CSMD3: variants seen among roughly 807,000 people sequenced by gnomAD.
CSMD3 encodes CUB and Sushi multiple domains 3.
CSMD3 carries 177 observed loss-of-function variants against 435.2 expected under a neutral mutation model. The observed-to-expected ratio is 0.41, with a 90% CI of 0.36 to 0.46. The LOEUF (loss-of-function observed/expected upper bound fraction) is 0.46, where lower values mean the gene tolerates loss of function less well. Among genes scored for constraint, CSMD3 ranks in the 20% least tolerant of loss-of-function variants. The pLI, the probability that CSMD3 is intolerant of heterozygous loss-of-function variation, is 0.34. For missense variants in CSMD3, 4,265 were observed against 4,504.6 expected (o/e 0.95, Z 1.52); for synonymous variants, 1,656 against 1,520.5 (o/e 1.09, Z -2.07).
chr8:113,082,234 C>A (rs979349762), intron 5 of CSMD3, among the ~76,000 whole-genome samples: 5 of 152,104 alleles, frequency 3.3e-5, no homozygotes, highest in African/African-American at 1.2e-4. Context: ...TGAGGATAGA[C>A]CCACCTGGGG....
At chr8:112,278,451 C>T (rs561695417) in intron 59 of CSMD3, among the ~76,000 whole-genome samples, 20 of 152,232 alleles carry the variant, frequency 1.3e-4, no homozygotes, top group African/African-American at 4.8e-4. Flanking sequence ...GAGTTCTGTG[C>T]CTCTCAGCTT....
chr8:112,385,572 C>T (rs922942979), intron 36 of CSMD3, among the ~76,000 whole-genome samples: 1 of 152,004 alleles, frequency 6.6e-6, no homozygotes, highest in Non-Finnish European at 1.5e-5. Flanking sequence ...ATTTCAATAT[C>T]TATTTCAGTA....
In CSMD3 at chr8:112,289,399, A is replaced by T. The variant is rs2130655020; in HGVS notation, c.9114T>A (p.Asn3038Lys). The change falls in exon 57 of 71, where the codon AAT (asparagine) becomes AAA (lysine). Residue 3038 changes from asparagine (N) to lysine (K), a missense_variant. By Grantham distance (94) the Asn-to-Lys change is moderately conservative. Transcript: ENST00000297405. Reference protein sequence around the residue: ...LGQSSRTCQLNGHWSGSQPHC... With the variant: ...LGQSSRTCQLKGHWSGSQPHC... The stretch of plus-strand genomic sequence containing the variant: ...GAGGTTGTGATCCACTCCAATGGCC[A>T]TTCAATTGGCAGGTTCTTGATGACT... The T allele has an allele frequency of 3.7e-6, 6 of 1,613,370 alleles. No homozygotes were observed. The highest frequency in any genetic ancestry group is 5.1e-6 in the Non-Finnish European group (6 of 1,179,538).
At chr8:112,295,780 A>G (rs954914881) in intron 54 of CSMD3, 53 bp downstream of exon 54, 211 of 1,502,636 alleles carry the variant, frequency 1.4e-4, no homozygotes, top group Non-Finnish European at 1.9e-4. Context: ...AACAAAAACT[A>G]GAATTATTCC....
chr8:112,906,035 G>T (rs1258282371), intron 10 of CSMD3, among the ~76,000 whole-genome samples: 1 of 151,442 alleles, frequency 6.6e-6, no homozygotes, highest in African/African-American at 2.4e-5. Context: ...TATATAAAAA[G>T]AAGTCAGCTG....
At chr8:113,102,993 C>G (rs2090373691) in intron 4 of CSMD3, among the ~76,000 whole-genome samples, 1 of 152,120 alleles carries the variant, frequency 6.6e-6, no homozygotes, top group Admixed American at 6.6e-5. Context: ...AGAGTCCACG[C>G]AAATTCTTGC....
At chr8:112,954,292 G>C (rs145831953) in intron 8 of CSMD3, among the ~76,000 whole-genome samples, 1 of 151,440 alleles carries the variant, frequency 6.6e-6, no homozygotes, top group Non-Finnish European at 1.5e-5. Context: ...ATATTTCTTA[G>C]AAAAGCACTT....
intron 3 of CSMD3, among the ~76,000 whole-genome samples, chr8:113,245,415 T>C (rs1315297723): frequency 6.6e-6 from 1 of 151,994 alleles, no homozygotes. Context: ...TTTTACTTTA[T>C]ATTGAGTTAT....
At chr8:113,211,911 A>C (rs1316995991) in intron 3 of CSMD3, among the ~76,000 whole-genome samples, 2 of 152,162 alleles carry the variant, frequency 1.3e-5, no homozygotes, top group Non-Finnish European at 2.9e-5. Flanking sequence ...TCTCACAACA[A>C]AGTGCCATGT....
chr8:112,716,293 G>A (rs1337910633), intron 13 of CSMD3, among the ~76,000 whole-genome samples: 4 of 152,064 alleles, frequency 2.6e-5, no homozygotes, highest in African/African-American at 7.2e-5. Flanking sequence ...GATAAGCAGA[G>A]AGCCACAACA....
At chr8:112,527,279 T>C (rs1032804148) in intron 27 of CSMD3, among the ~76,000 whole-genome samples, 1 of 151,662 alleles carries the variant, frequency 6.6e-6, no homozygotes, top group African/African-American at 2.4e-5. Context: ...CATCATATGA[T>C]ATATATATAG....
intron 1 of CSMD3, among the ~76,000 whole-genome samples, chr8:113,357,437 C>T (rs2094238762): frequency 6.6e-6 from 1 of 152,094 alleles, no homozygotes; most frequent in Non-Finnish European, 1.5e-5. Context: ...TTATTCAGTA[C>T]TTGAAATGTG....
intron 2 of CSMD3, chr8:113,313,061 G>A (rs2093882491): frequency 6.6e-6 from 1 of 152,126 alleles, no homozygotes; most frequent in African/African-American, 2.4e-5. Flanking sequence ...AGTTCGATGT[G>A]CTCTAATAGG....
intron 4 of CSMD3, among the ~76,000 whole-genome samples, chr8:113,116,409 C>A (rs1162600837): frequency 6.6e-6 from 1 of 152,174 alleles, no homozygotes; most frequent in Non-Finnish European, 1.5e-5. Context: ...TTCCTTCCAG[C>A]ATGATTGTAA....
At chr8:112,804,127 T>C (rs188824724) in intron 12 of CSMD3, among the ~76,000 whole-genome samples, 1 of 152,300 alleles carries the variant, frequency 6.6e-6, no homozygotes. Flanking sequence ...TGCCATTGAT[T>C]TCCATTAGCA....
At chr8:112,801,695 G>GT (rs1262965708) in intron 12 of CSMD3, among the ~76,000 whole-genome samples, 6 of 151,978 alleles carry the variant, frequency 3.9e-5, no homozygotes, top group Admixed American at 1.3e-4. Context: ...TTAGGTAGCA[G>GT]TTTTTTGAGC....
At chr8:113,399,946 G>GTA (rs1471339460) in intron 1 of CSMD3, among the ~76,000 whole-genome samples, 2 of 111,840 alleles carry the variant, frequency 1.8e-5, no homozygotes, top group African/African-American at 3.8e-5. Context: ...CCTCTATTCT[G>GTA]TGTATATATA....
intron 30 of CSMD3, among the ~76,000 whole-genome samples, chr8:112,499,324 G>T (rs538223239): frequency 6.6e-6 from 1 of 151,934 alleles, no homozygotes; most frequent in Admixed American, 6.6e-5. Flanking sequence ...TAAACAAAGT[G>T]GTAAAGATTT....
intron 56 of CSMD3, 132 bp from the exon 57 acceptor site, chr8:112,289,670 C>A: frequency 1.6e-6 from 1 of 617,014 alleles, no homozygotes; most frequent in South Asian, 2.5e-5. Context: ...AATCAAACAT[C>A]TATGTTGAAG....
Sources: gnomAD v4.1 joint callset for allele counts (sites outside exome capture counted in the v4.1 genomes callset) on GRCh38, gnomAD v4.1.1 for gene constraint, MANE v1.5 for transcripts, NCBI Gene and HGNC (gene_info 2026-07-23, HGNC 2026-07-21) for gene names.